Variants in TENM3 observed in about 807,000 individuals in gnomAD.
TENM3 encodes teneurin-3.
TENM3 carries 63 observed loss-of-function variants against 255.1 expected under a neutral mutation model. The observed-to-expected ratio is 0.25, with a 90% CI of 0.20 to 0.30. The LOEUF (loss-of-function observed/expected upper bound fraction) is 0.30, where lower values mean the gene tolerates loss of function less well. Among genes scored for constraint, TENM3 ranks in the 10% least tolerant of loss-of-function variants. The pLI, the probability that TENM3 is intolerant of heterozygous loss-of-function variation, is 1.00. For synonymous variants in TENM3, 1,306 were observed against 1,322.3 expected (o/e 0.99, Z 0.27); for missense variants, 2,929 against 3,461.1 (o/e 0.85, Z 3.86).
chr4:181,830,114 A>T, the TENM3 span: 75,042 of 151,996 alleles, frequency 0.49, 19,062 homozygotes, highest in South Asian at 0.61. Flanking sequence ...AGAGGATGTG[A>T]TGGAAAAATG....
intron 1 of TENM3, among the ~76,000 whole-genome samples, chr4:182,178,155 G>A (rs1043962217): frequency 3.9e-5 from 6 of 152,136 alleles, no homozygotes; most frequent in South Asian, 2.1e-4. Flanking sequence ...TATTAAATAC[G>A]TGATCGAATT....
At chr4:182,389,137 C>T (rs1175663512) in intron 3 of TENM3, among the ~76,000 whole-genome samples, 1 of 152,146 alleles carries the variant, frequency 6.6e-6, no homozygotes. Context: ...TAAAATGAAA[C>T]TGGGATGTTT....
chr4:182,638,407 G>A (rs1446436710), intron 5 of TENM3, among the ~76,000 whole-genome samples: 1 of 152,070 alleles, frequency 6.6e-6, no homozygotes, highest in Non-Finnish European at 1.5e-5. Context: ...ATGTTGCCCT[G>A]TGTTTGATAA....
chr4:181,883,295 T>A, the TENM3 span, among the ~76,000 whole-genome samples: 1 of 152,056 alleles, frequency 6.6e-6, no homozygotes, highest in Non-Finnish European at 1.5e-5. Context: ...CGTGTGTGTG[T>A]TTAGTTGAAT....
At chr4:181,991,381 A>G in the TENM3 span, among the ~76,000 whole-genome samples, 11 of 152,166 alleles carry the variant, frequency 7.2e-5, no homozygotes, top group African/African-American at 2.7e-4. Context: ...GTCAGTGATC[A>G]TGGTGGGCAG....
chr4:182,395,186 A>G (rs1768721988), intron 3 of TENM3, among the ~76,000 whole-genome samples: 1 of 152,218 alleles, frequency 6.6e-6, no homozygotes, highest in Admixed American at 6.5e-5. Flanking sequence ...TGTCCCTGAT[A>G]TGACACTTCT....
At chr4:182,310,806 A>G (rs1275315751) in intron 1 of TENM3, among the ~76,000 whole-genome samples, 1 of 152,062 alleles carries the variant, frequency 6.6e-6, no homozygotes, top group Non-Finnish European at 1.5e-5. Context: ...TCCTGGGTTC[A>G]AGCGATTCTC....
At chr4:181,977,436 A>G in the TENM3 span, among the ~76,000 whole-genome samples, 1 of 152,332 alleles carries the variant, frequency 6.6e-6, no homozygotes, top group Non-Finnish European at 1.5e-5. Flanking sequence ...CTAGTGTATC[A>G]CGGTGAATGT....
rs765914664 is a variant in TENM3 at position 182,714,180 on chromosome 4, G to T, written c.2315G>T (p.Gly772Val). Residue 772 changes from glycine (G) to valine (V), a missense_variant, in exon 13 of 28, where the codon GGC (glycine) becomes GTC (valine). Transcript: ENST00000511685. ...TGCCAGCCTGGATGGAGAGGAGCAG[G>T]CTGTGACGTAGCCATGGAGACTCTT... ...CVCQPGWRGA[G>V]CDVAMETLCT... 1 of 1,613,954 alleles carries T rather than the reference G, an allele frequency of 6.2e-7. No individual in the cohort carries two copies. The highest frequency in any genetic ancestry group is 1.1e-5 in the South Asian group (1 of 91,074).
chr4:182,154,913 C>A, intron 1 of TENM3, among the ~76,000 whole-genome samples: 1 of 151,908 alleles, frequency 6.6e-6, no homozygotes, highest in Non-Finnish European at 1.5e-5. Flanking sequence ...GAGTATATTC[C>A]CAACTTGTAA....
the TENM3 span, among the ~76,000 whole-genome samples, chr4:181,594,422 C>T: frequency 6.6e-6 from 1 of 152,282 alleles, no homozygotes; most frequent in African/African-American, 2.4e-5. Context: ...TATTACTTGA[C>T]CTTCATCAGC....
chr4:182,757,477 T>TC (rs1762830046), intron 22 of TENM3, among the ~76,000 whole-genome samples: 1 of 152,152 alleles, frequency 6.6e-6, no homozygotes, highest in Non-Finnish European at 1.5e-5. Context: ...CCTTACTCGT[T>TC]CCCAGGAGTT....
chr4:181,710,523 C>G, the TENM3 span, among the ~76,000 whole-genome samples: 1 of 152,044 alleles, frequency 6.6e-6, no homozygotes, highest in Admixed American at 6.6e-5. Flanking sequence ...CAAGACCATC[C>G]TGGACAACAT....
At chr4:182,418,183 A>G (rs1233934732) in intron 3 of TENM3, among the ~76,000 whole-genome samples, 2 of 152,214 alleles carry the variant, frequency 1.3e-5, no homozygotes, top group Non-Finnish European at 2.9e-5. Context: ...AAACATTTCA[A>G]TTCGAATATA....
chr4:182,287,473 G>A (rs1205220568), intron 1 of TENM3, among the ~76,000 whole-genome samples: 1 of 152,120 alleles, frequency 6.6e-6, no homozygotes, highest in Non-Finnish European at 1.5e-5. Flanking sequence ...CCGTTCCTAA[G>A]GAATGAATCC....
chr4:182,108,340 G>T, the TENM3 span, among the ~76,000 whole-genome samples: 1 of 152,170 alleles, frequency 6.6e-6, no homozygotes, highest in Non-Finnish European at 1.5e-5. Flanking sequence ...TGACAGGAAG[G>T]CTCCAATAAA....
the TENM3 span, among the ~76,000 whole-genome samples, chr4:181,489,601 A>T: frequency 1.3e-5 from 2 of 152,218 alleles, no homozygotes; most frequent in Non-Finnish European, 2.9e-5. Flanking sequence ...TTGACTACAC[A>T]CTATACCCTA....
At chr4:181,864,446 G>C in the TENM3 span, among the ~76,000 whole-genome samples, 3 of 151,958 alleles carry the variant, frequency 2.0e-5, no homozygotes, top group African/African-American at 7.3e-5. Flanking sequence ...GAGAGAGAGA[G>C]AGAAAGCAAA....
At chr4:182,456,652 A>G (rs1580613593) in intron 3 of TENM3, among the ~76,000 whole-genome samples, 1 of 152,324 alleles carries the variant, frequency 6.6e-6, no homozygotes, top group Non-Finnish European at 1.5e-5. Flanking sequence ...ATCATATCTA[A>G]TGCAACTCTC....
Sources: allele counts gnomAD v4.1 joint callset (sites outside exome capture counted in the v4.1 genomes callset), GRCh38; gene constraint gnomAD v4.1.1; transcripts MANE v1.5; gene names NCBI Gene and HGNC (gene_info 2026-07-23, HGNC 2026-07-21).